Variants in ALK observed in about 807,000 individuals in gnomAD.
The protein encoded by ALK is ALK tyrosine kinase receptor.
ALK carries 74 observed loss-of-function variants against 163.1 expected under a neutral mutation model. The observed-to-expected ratio is 0.45, with a 90% CI of 0.38 to 0.55. The LOEUF is 0.55. ALK is among the 20% of genes least tolerant of loss of function. The pLI, the probability that ALK is intolerant of heterozygous loss-of-function variation, is 0.00. For synonymous variants in ALK, 960 were observed against 843.2 expected (o/e 1.14, Z -2.40); for missense variants, 2,063 against 2,105.3 (o/e 0.98, Z 0.39).
At chr2:29,458,247 T>C (rs578203578) in intron 4 of ALK, among the ~76,000 whole-genome samples, 7 of 152,166 alleles carry the variant, frequency 4.6e-5, no homozygotes, top group Non-Finnish European at 7.4e-5. Context: ...GGTACAGTTA[T>C]GTAACTTGGG....
intron 1 of ALK, among the ~76,000 whole-genome samples, chr2:29,783,837 A>C (rs2148352269): frequency 6.6e-6 from 1 of 152,258 alleles, no homozygotes; most frequent in Admixed American, 6.5e-5. Flanking sequence ...CCCAGGGACA[A>C]AGTGTTGTTA....
At chr2:29,617,028 T>G (rs917995405) in intron 3 of ALK, among the ~76,000 whole-genome samples, 1 of 152,106 alleles carries the variant, frequency 6.6e-6, no homozygotes, top group Admixed American at 6.5e-5. Context: ...GAATATCTAC[T>G]ATGTGACACA....
At chr2:29,440,858 T>C (rs1216046142) in intron 4 of ALK, among the ~76,000 whole-genome samples, 2 of 152,186 alleles carry the variant, frequency 1.3e-5, no homozygotes, top group Admixed American at 6.5e-5. Context: ...ATGAGATCAT[T>C]TAAATTATCA....
chr2:29,698,271 G>A (rs1678631267), intron 2 of ALK, among the ~76,000 whole-genome samples: 1 of 152,118 alleles, frequency 6.6e-6, no homozygotes, highest in South Asian at 2.1e-4. Flanking sequence ...AGAGAAAACT[G>A]GTCCAACATT....
At chr2:29,383,617 C>G in intron 5 of ALK, 115 bp downstream of exon 5, 17 of 1,407,454 alleles carry the variant, frequency 1.2e-5, no homozygotes, top group Non-Finnish European at 1.7e-5. Context: ...GCACCCAGCC[C>G]ACTCTAGACT....
chr2:29,359,912 G>A (rs1231168821), intron 5 of ALK, among the ~76,000 whole-genome samples: 1 of 152,220 alleles, frequency 6.6e-6, no homozygotes, highest in African/African-American at 2.4e-5. Context: ...CTGAGAAGAA[G>A]AAGACCTGAC....
intron 3 of ALK, among the ~76,000 whole-genome samples, chr2:29,574,745 G>A (rs1380602685): frequency 6.6e-6 from 1 of 152,178 alleles, no homozygotes; most frequent in Non-Finnish European, 1.5e-5. Flanking sequence ...AGGAGGGGAG[G>A]CCGTGCTGAA....
At chr2:29,329,557 C>G (rs1304171712) in intron 5 of ALK, among the ~76,000 whole-genome samples, 1 of 152,214 alleles carries the variant, frequency 6.6e-6, no homozygotes, top group African/African-American at 2.4e-5. Context: ...AAACCCATCT[C>G]AGTGCTCAGG....
At chr2:29,252,705 ATTTATTTT>A (rs1244503060) in intron 11 of ALK, among the ~76,000 whole-genome samples, 2 of 151,644 alleles carry the variant, frequency 1.3e-5, no homozygotes, top group Non-Finnish European at 2.9e-5. Context: ...TTATTTATTT[ATTTATTTT>A]TTGCAAAGGA....
chr2:29,441,142 G>T (rs1670531772), intron 4 of ALK, among the ~76,000 whole-genome samples: 1 of 152,228 alleles, frequency 6.6e-6, no homozygotes, highest in African/African-American at 2.4e-5. Flanking sequence ...CTCAGGGGCA[G>T]AACCTACTCT....
At chr2:29,909,481 A>AGAGAGC (rs1491175515) in intron 1 of ALK, among the ~76,000 whole-genome samples, 1 of 26,324 alleles carries the variant, frequency 3.8e-5, no homozygotes, top group Non-Finnish European at 6.8e-5. Context: ...ACAGACAGAC[A>AGAGAGC]GAGAGAGAGA....
chr2:29,258,250 C>A (rs1193966575), intron 11 of ALK, among the ~76,000 whole-genome samples: 1 of 152,190 alleles, frequency 6.6e-6, no homozygotes, highest in Non-Finnish European at 1.5e-5. Context: ...CTGCAAATTG[C>A]CAACTAGATC....
At chr2:29,391,544 G>A (rs765559462) in intron 4 of ALK, among the ~76,000 whole-genome samples, 8 of 152,038 alleles carry the variant, frequency 5.3e-5, no homozygotes, top group African/African-American at 9.7e-5. Flanking sequence ...CAGGTGATCC[G>A]CCCACCTTGG....
intron 1 of ALK, among the ~76,000 whole-genome samples, chr2:29,825,529 T>G (rs866319772): frequency 6.6e-6 from 1 of 152,114 alleles, no homozygotes; most frequent in Non-Finnish European, 1.5e-5. Context: ...GGCTAGGCCA[T>G]AGCATGCAAG....
chr2:29,201,966 G>A (rs771240746), intron 26 of ALK, among the ~76,000 whole-genome samples: 6 of 151,942 alleles, frequency 3.9e-5, no homozygotes, highest in African/African-American at 1.5e-4. Context: ...ATAAAGCAAA[G>A]ATCATATCAC....
chr2:29,434,047 C>T (rs914383571), intron 4 of ALK, among the ~76,000 whole-genome samples: 1 of 152,024 alleles, frequency 6.6e-6, no homozygotes. Flanking sequence ...AAAGGCAAAG[C>T]ATGGAGAAGG....
At chr2:29,372,101 G>A (rs1262715415) in intron 5 of ALK, among the ~76,000 whole-genome samples, 3 of 152,172 alleles carry the variant, frequency 2.0e-5, no homozygotes, top group Admixed American at 1.3e-4. Context: ...CTTGAAAGAT[G>A]AGCCACACTG....
chr2:29,506,507 G>T (rs1672327743), intron 4 of ALK, among the ~76,000 whole-genome samples: 1 of 152,186 alleles, frequency 6.6e-6, no homozygotes, highest in African/African-American at 2.4e-5. Flanking sequence ...AGCACTTTGG[G>T]AGGCCGAGGC....
chr2:29,658,484 G>A (rs1380975186), intron 3 of ALK, among the ~76,000 whole-genome samples: 1 of 152,096 alleles, frequency 6.6e-6, no homozygotes, highest in South Asian at 2.1e-4. Context: ...TCTTTTCTTG[G>A]AGACATGTCA....
Sources: gnomAD v4.1 joint callset for allele counts (sites outside exome capture counted in the v4.1 genomes callset) on GRCh38, gnomAD v4.1.1 for gene constraint, MANE v1.5 for transcripts, NCBI Gene and HGNC (gene_info 2026-07-23, HGNC 2026-07-21) for gene names.